Variants in ZMAT4 observed in about 807,000 individuals in gnomAD.
ZMAT4 encodes zinc finger matrin-type 4, also known as zinc finger matrin-type protein 4.
Under a neutral mutation model 28.7 loss-of-function variants are expected in ZMAT4, and 17 were observed. The ratio of observed to expected loss-of-function variants is 0.59; its 90% CI spans 0.41 to 0.89. ZMAT4 has a LOEUF of 0.89. ZMAT4 is among the 40% of genes least tolerant of loss of function. The pLI is 0.00. For missense variants in ZMAT4, 240 were observed against 283.8 expected, an observed-to-expected ratio of 0.85 and a Z score of 1.11; for synonymous variants, 117 against 109.2, an observed-to-expected ratio of 1.07 and a Z score of -0.44.
At chr8:40,781,015 T>C (rs1379619690) in intron 2 of ZMAT4, among the ~76,000 whole-genome samples, 1 of 152,058 alleles carries the variant, frequency 6.6e-6, no homozygotes, top group African/African-American at 2.4e-5. Flanking sequence ...GACACTGTAG[T>C]GGAGGTTCAC....
At chr8:40,732,630 T>C (rs1811588111) in intron 3 of ZMAT4, among the ~76,000 whole-genome samples, 1 of 152,142 alleles carries the variant, frequency 6.6e-6, no homozygotes, top group African/African-American at 2.4e-5. Context: ...CTATCCAAAA[T>C]ATCCACAGGT....
chr8:40,783,358 C>G (rs1035628986), intron 2 of ZMAT4, among the ~76,000 whole-genome samples: 2 of 152,140 alleles, frequency 1.3e-5, no homozygotes, highest in Non-Finnish European at 2.9e-5. Flanking sequence ...AGCAAATCTA[C>G]AGAGACTGAA....
intron 2 of ZMAT4, among the ~76,000 whole-genome samples, chr8:40,815,635 G>A (rs1193580342): frequency 1.3e-5 from 2 of 152,136 alleles, no homozygotes; most frequent in African/African-American, 4.8e-5. Flanking sequence ...TTAGCAGTGA[G>A]GCACAGAGCT....
intron 3 of ZMAT4, among the ~76,000 whole-genome samples, chr8:40,702,957 C>A (rs1585905622): frequency 6.6e-6 from 1 of 151,690 alleles, no homozygotes; most frequent in African/African-American, 2.4e-5. Flanking sequence ...AGATAACAAT[C>A]GATTAAAAAG....
At chr8:40,671,904 G>A (rs1808686995) in intron 5 of ZMAT4, among the ~76,000 whole-genome samples, 2 of 152,170 alleles carry the variant, frequency 1.3e-5, no homozygotes, top group Admixed American at 1.3e-4. Context: ...GCCATGTTAA[G>A]AATGTAAGAT....
In ZMAT4 at chr8:40,889,996, T is replaced by C. The variant is rs142178902; in HGVS notation, c.-5+7687A>G. 2.4e-4 allele frequency among the ~76,000 whole-genome samples: 37 copies of C among 152,362 alleles called. No individual in the cohort carries two copies. In the East Asian group the frequency reaches 7.1e-3, roughly 29 times the overall value. On this transcript the variant is annotated intron_variant, in intron 1 of 6. Transcript: ENST00000297737. ...GTCCATTTCCCAGCAACACTGGATATTACATTATCATTTTTAATTTCTGCT... is the reference window on the plus strand; with the variant it reads ...GTCCATTTCCCAGCAACACTGGATACTACATTATCATTTTTAATTTCTGCT...
At chr8:40,855,281 A>C (rs1011800296) in intron 1 of ZMAT4, among the ~76,000 whole-genome samples, 5 of 151,906 alleles carry the variant, frequency 3.3e-5, no homozygotes, top group African/African-American at 1.2e-4. Context: ...CTGCATCCTA[A>C]CGGAGCCCAC....
chr8:40,647,632 C>T (rs907475261), intron 5 of ZMAT4, among the ~76,000 whole-genome samples: 2 of 152,172 alleles, frequency 1.3e-5, no homozygotes, highest in Non-Finnish European at 2.9e-5. Context: ...AGGGCACAGA[C>T]AAACAAAAAG....
chr8:40,808,478 A>T (rs1512214), intron 2 of ZMAT4: 4 of 437,050 alleles, frequency 9.2e-6, no homozygotes, highest in South Asian at 1.7e-5. Context: ...CTAACGGTTG[A>T]CAATGCAGTA....
chr8:40,871,907 G>T (rs1817870648), intron 1 of ZMAT4, among the ~76,000 whole-genome samples: 1 of 152,098 alleles, frequency 6.6e-6, no homozygotes, highest in Non-Finnish European at 1.5e-5. Context: ...TAAATATACT[G>T]GTTTTTCAGC....
At chr8:40,720,592 A>G (rs1034898430) in intron 3 of ZMAT4, among the ~76,000 whole-genome samples, 1 of 136,798 alleles carries the variant, frequency 7.3e-6, no homozygotes, top group Non-Finnish European at 1.5e-5. Flanking sequence ...CAGTGGCATG[A>G]TTTTGGCTCA....
intron 2 of ZMAT4, among the ~76,000 whole-genome samples, chr8:40,799,124 CAGAG>C (rs1814718964): frequency 1.5e-5 from 2 of 132,336 alleles, no homozygotes; most frequent in Non-Finnish European, 3.3e-5. Context: ...GAGAGAGAGA[CAGAG>C]AGAAGGATAG....
chr8:40,893,456 C>G (rs1476947241), intron 1 of ZMAT4, among the ~76,000 whole-genome samples: 1 of 152,196 alleles, frequency 6.6e-6, no homozygotes, highest in Non-Finnish European at 1.5e-5. Flanking sequence ...TCTGAGGGAT[C>G]TAGCTCAAGT....
At chr8:40,607,117 C>CTTTTTTTTTTTT (rs71544299) in intron 5 of ZMAT4, among the ~76,000 whole-genome samples, 64 of 65,718 alleles carry the variant, frequency 9.7e-4, no homozygotes, top group Non-Finnish European at 1.2e-3. Context: ...TATCTTGTAT[C>CTTTTTTTTTTTT]TTTTTTTTTT....
intron 3 of ZMAT4, among the ~76,000 whole-genome samples, chr8:40,755,163 G>A (rs574458608): frequency 1.3e-4 from 20 of 152,306 alleles, no homozygotes; most frequent in African/African-American, 4.8e-4. Flanking sequence ...CAATGCAAAT[G>A]GAAACTCGGG....
chr8:40,653,176 A>T (rs1004610502), intron 5 of ZMAT4, among the ~76,000 whole-genome samples: 1 of 152,156 alleles, frequency 6.6e-6, no homozygotes, highest in Non-Finnish European at 1.5e-5. Flanking sequence ...TTACAAATAA[A>T]AATGGACAGC....
chr8:40,844,137 GT>G, intron 1 of ZMAT4, among the ~76,000 whole-genome samples: 1 of 152,184 alleles, frequency 6.6e-6, no homozygotes, highest in South Asian at 2.1e-4. Flanking sequence ...AGAGAATATT[GT>G]TTTTTTCTAA....
intron 5 of ZMAT4, among the ~76,000 whole-genome samples, chr8:40,622,551 T>G (rs1209387223): frequency 6.6e-6 from 1 of 152,226 alleles, no homozygotes; most frequent in East Asian, 1.9e-4. Context: ...GGGATTATCT[T>G]TGTTTGTTTG....
At chr8:40,635,391 A>G (rs1327403453) in intron 5 of ZMAT4, among the ~76,000 whole-genome samples, 2 of 151,938 alleles carry the variant, frequency 1.3e-5, no homozygotes. Context: ...TCTTAAGAAC[A>G]CCCCACCACA....
Sources: allele counts gnomAD v4.1 joint callset (sites outside exome capture counted in the v4.1 genomes callset), GRCh38; gene constraint gnomAD v4.1.1; transcripts MANE v1.5; gene names NCBI Gene and HGNC (gene_info 2026-07-23, HGNC 2026-07-21).